TNN: variants seen among roughly 807,000 people sequenced by gnomAD.
The protein encoded by TNN is tenascin N.
TNN carries 122 observed loss-of-function variants against 134.4 expected under a neutral mutation model. That is an observed-to-expected ratio of 0.91 (90% CI 0.78 to 1.06). TNN has a LOEUF of 1.06. Ranked by LOEUF, TNN falls within the 50% of genes least tolerant of loss-of-function variation. TNN has a pLI of 0.00. For missense variants in TNN, 1,739 were observed against 1,699.4 expected (o/e 1.02, Z -0.41); for synonymous variants, 710 against 670.3 (o/e 1.06, Z -0.91).
At chr1:175,089,868 A>G (rs1020970251) in intron 6 of TNN, among the ~76,000 whole-genome samples, 5 of 152,282 alleles carry the variant, frequency 3.3e-5, no homozygotes, top group Admixed American at 6.5e-5. Flanking sequence ...CTGATTTCCA[A>G]ACACAATGTT....
At chr1:175,146,203 T>G (rs991336480) in intron 18 of TNN, among the ~76,000 whole-genome samples, 3 of 152,158 alleles carry the variant, frequency 2.0e-5, no homozygotes, top group Non-Finnish European at 1.5e-5. Context: ...GGATAGGAGA[T>G]CAAATATTGG....
chr1:175,097,701 G>A lies in TNN; in HGVS notation c.1855+18G>A. ...CCCGACAGGTAACAAAAGAGAGATGGTCAATTGGAATTGAGTTTTAGCTTG... is the reference window on the plus strand; with the variant it reads ...CCCGACAGGTAACAAAAGAGAGATGATCAATTGGAATTGAGTTTTAGCTTG... On this transcript the variant is annotated intron_variant, in intron 8 of 18. Coordinates refer to ENST00000239462, the MANE Select transcript of TNN (RefSeq NM_022093.2). 6.2e-7 allele frequency: 1 copy of A among 1,613,786 alleles called. No homozygotes were observed. The highest frequency in any genetic ancestry group is 1.3e-5 in the African/African-American group (1 of 75,004).
chr1:175,110,829 A>C (rs772866767), intron 9 of TNN, among the ~76,000 whole-genome samples: 3 of 152,176 alleles, frequency 2.0e-5, no homozygotes, highest in Non-Finnish European at 4.4e-5. Context: ...ATTTTTGCTC[A>C]GGATTTCTTT....
chr1:175,118,467 A>C (rs1675245811), intron 10 of TNN, 94 bp from the exon 11 acceptor site: 4 of 1,456,086 alleles, frequency 2.7e-6, no homozygotes, highest in Non-Finnish European at 3.8e-6. Flanking sequence ...ACCCCACACA[A>C]CATGAAAGGG....
intron 1 of TNN, among the ~76,000 whole-genome samples, chr1:175,072,279 A>C (rs1673931783): frequency 6.6e-6 from 1 of 152,154 alleles, no homozygotes; most frequent in Non-Finnish European, 1.5e-5. Context: ...CCCCTTCTGC[A>C]GTCAGAATTA....
chr1:175,073,792 CT>C (rs1673973206), intron 1 of TNN, among the ~76,000 whole-genome samples: 1 of 152,198 alleles, frequency 6.6e-6, no homozygotes, highest in Non-Finnish European at 1.5e-5. Context: ...GCTTCCAGTG[CT>C]GGGCCACCCC....
At chr1:175,083,981 G>T (rs563458326) in intron 5 of TNN, 46 bp downstream of exon 5, 3 of 1,590,964 alleles carry the variant, frequency 1.9e-6, no homozygotes, top group African/African-American at 1.3e-5. Context: ...TGGATGCAGA[G>T]GTGGGGATAG....
intron 1 of TNN, among the ~76,000 whole-genome samples, chr1:175,069,705 T>TCACAG (rs2149423936): frequency 6.6e-6 from 1 of 152,342 alleles, no homozygotes; most frequent in East Asian, 1.9e-4. Context: ...CAGAAGTTGC[T>TCACAG]AAGATCTCAG....
chr1:175,098,644 C>G (rs1382225054), intron 9 of TNN, 49 bp downstream of exon 9: 21 of 1,608,850 alleles, frequency 1.3e-5, no homozygotes, highest in Non-Finnish European at 1.7e-5. Context: ...CAGGGTCTGT[C>G]TACATGGGGT....
intron 14 of TNN, 124 bp downstream of exon 14, chr1:175,128,288 T>C (rs1168304305): frequency 8.1e-5 from 78 of 966,962 alleles, no homozygotes; most frequent in Middle Eastern, 2.7e-4. Context: ...CATGGGGAAG[T>C]GGAAATGGGG....
intron 9 of TNN, among the ~76,000 whole-genome samples, chr1:175,111,650 G>T (rs545559555): frequency 6.6e-6 from 1 of 151,748 alleles, no homozygotes; most frequent in Non-Finnish European, 1.5e-5. Context: ...CCATTTTTTG[G>T]TGACATCTTC....
intron 15 of TNN, among the ~76,000 whole-genome samples, chr1:175,131,228 G>A (rs1574174946): frequency 1.3e-5 from 2 of 152,340 alleles, no homozygotes; most frequent in East Asian, 3.9e-4. Context: ...AGGCTGGAAA[G>A]AACATCAGGG....
chr1:175,144,622 G>A (rs957859455), intron 18 of TNN, 72 bp downstream of exon 18: 2 of 1,483,002 alleles, frequency 1.3e-6, no homozygotes, highest in African/African-American at 1.4e-5. Flanking sequence ...ACACCCTCCA[G>A]GCCAGTCTGG....
intron 2 of TNN, 30 bp from the exon 3 acceptor site, chr1:175,079,303 C>A (rs749614046): frequency 1.1e-5 from 17 of 1,557,922 alleles, no homozygotes; most frequent in Non-Finnish European, 1.4e-5. Flanking sequence ...ACCCTTCAAC[C>A]CAACCTACTG....
In TNN at chr1:175,118,631, G is replaced by A. The variant is rs370444325; in HGVS notation, c.2457G>A (p.Pro819=). Residue 819 remains proline (P), a synonymous_variant, in exon 11 of 19, where the codon CCG becomes CCA. Coordinates refer to ENST00000239462, the MANE Select transcript of TNN (RefSeq NM_022093.2). ...ATACAGCCACTGTCTCCTGGGACCC[G>A]GTGCAGGCCACCATTGACAGGTATG... ...TENTATVSWD[P]VQATIDRYVV... 1.2e-5 allele frequency: 20 copies of A among 1,614,062 alleles called. No individual in the cohort carries two copies. Among genetic ancestry groups the A allele is most frequent in the Non-Finnish European group, 1.5e-5 (18 of 1,180,042 alleles).
chr1:175,082,646 C>G (rs553567372), intron 4 of TNN, among the ~76,000 whole-genome samples: 2 of 152,166 alleles, frequency 1.3e-5, no homozygotes, highest in Non-Finnish European at 2.9e-5. Context: ...GAATCGGGGA[C>G]GTTCAGAGCC....
chr1:175,141,383 G>A (rs1221446579), intron 17 of TNN, among the ~76,000 whole-genome samples: 1 of 152,166 alleles, frequency 6.6e-6, no homozygotes, highest in African/African-American at 2.4e-5. Context: ...GACACAACCA[G>A]GGATGGATCC....
intron 18 of TNN, among the ~76,000 whole-genome samples, chr1:175,145,378 C>T (rs1020456994): frequency 6.6e-6 from 1 of 151,466 alleles, no homozygotes; most frequent in Non-Finnish European, 1.5e-5. Context: ...CATCGTGAAA[C>T]CCTGTCTCTA....
chr1:175,084,839 A>G (rs969686805), intron 5 of TNN, among the ~76,000 whole-genome samples: 6 of 152,162 alleles, frequency 3.9e-5, no homozygotes, highest in African/African-American at 1.4e-4. Flanking sequence ...TTTTTTTTAA[A>G]AAAAGGGCTG....
Sources: allele counts gnomAD v4.1 joint callset (sites outside exome capture counted in the v4.1 genomes callset), GRCh38; gene constraint gnomAD v4.1.1; transcripts MANE v1.5; gene names NCBI Gene and HGNC (gene_info 2026-07-23, HGNC 2026-07-21).